The following ZNF677 variants were observed in gnomAD, a reference collection of about 807,000 sequenced individuals.
The protein encoded by ZNF677 is zinc finger protein 677.
ZNF677 carries 5 observed loss-of-function variants against 8.1 expected under a neutral mutation model. The ratio of observed to expected loss-of-function variants is 0.62; its 90% CI spans 0.32 to 1.29. The LOEUF (loss-of-function observed/expected upper bound fraction) is 1.29, where lower values mean the gene tolerates loss of function less well. Ranked by LOEUF, ZNF677 falls within the 50% of genes most tolerant of loss-of-function variation. ZNF677 has a pLI of 0.05. For missense variants in ZNF677, 685 were observed against 685.9 expected (o/e 1.00, Z 0.01); for synonymous variants, 221 against 225.6 (o/e 0.98, Z 0.18).
chr19:53,243,624 C>T (rs1471212133), intron 4 of ZNF677, 120 bp downstream of exon 4: 3 of 1,335,356 alleles, frequency 2.2e-6, no homozygotes, highest in African/African-American at 2.9e-5. Context: ...GAAGCCTTTC[C>T]ACTCTCAATC....
At chr19:53,253,244 C>T (rs1006421532) in intron 1 of ZNF677, 88 bp from the exon 2 acceptor site, 1 of 152,156 alleles carries the variant, frequency 6.6e-6, no homozygotes, top group Non-Finnish European at 1.5e-5. Flanking sequence ...GTTGTACCTG[C>T]TTAGCTCAAA....
intron 3 of ZNF677, among the ~76,000 whole-genome samples, chr19:53,245,872 C>T (rs540954474): frequency 1.3e-5 from 2 of 151,972 alleles, no homozygotes; most frequent in South Asian, 2.1e-4. Flanking sequence ...ATTAGCCAGA[C>T]GTGGTGGTGG....
At chr19:53,242,596 G>C in intron 4 of ZNF677, 1 of 394,732 alleles carries the variant, frequency 2.5e-6, no homozygotes, top group Non-Finnish European at 4.5e-6. Context: ...ATGGCCAAGG[G>C]GCTTGAACAA....
intron 4 of ZNF677, chr19:53,242,697 C>G (rs1439467828): frequency 3.1e-6 from 1 of 319,390 alleles, no homozygotes; most frequent in African/African-American, 2.1e-5. Flanking sequence ...AAAGTTCTTG[C>G]AGGTATAAGA....
chr19:53,249,046 TTC>T (rs1205041007), intron 3 of ZNF677: 4 of 152,334 alleles, frequency 2.6e-5, no homozygotes, highest in Admixed American at 1.3e-4. Flanking sequence ...TGATTCTGTA[TTC>T]TGTCACTCTA....
intron 3 of ZNF677, among the ~76,000 whole-genome samples, chr19:53,246,317 C>CTAAAAAAAAA (rs1599921763): frequency 1.5e-3 from 184 of 121,820 alleles, no homozygotes; most frequent in African/African-American, 2.9e-3. Context: ...GACTCCGTCC[C>CTAAAAAAAAA]AAAAAAAAAG....
At chr19:53,254,489 G>A (rs533665027) in intron 1 of ZNF677, 1 of 152,344 alleles carries the variant, frequency 6.6e-6, no homozygotes, top group Admixed American at 6.5e-5. Flanking sequence ...GAAGGGCGAA[G>A]GGTGTGTATC....
chr19:53,251,682 G>C, intron 2 of ZNF677, 77 bp from the exon 3 acceptor site: 1 of 1,013,294 alleles, frequency 9.9e-7, no homozygotes. Flanking sequence ...ACAGGAAGAG[G>C]CTTGATATAG....
chr19:53,251,595 GGTAA>G lies in ZNF677; in HGVS notation c.-49_-46del. On this transcript the variant is annotated 5_prime_UTR_variant, in exon 3 of 5. Transcript: ENST00000598513. The stretch of plus-strand genomic sequence containing the variant: ...CCTCTTCCTCTGAGTTTCTTTCTCA[GGTAA>G]GTCAGTCTGTATGTCAAAAATATGT... 1 of 1,612,576 alleles carries G rather than the reference GGTAA, an allele frequency of 6.2e-7. No individual in the cohort carries two copies. The highest frequency in any genetic ancestry group is 2.2e-5 in the East Asian group (1 of 44,786).
intron 4 of ZNF677, chr19:53,243,254 C>T (rs551101038): frequency 3.7e-4 from 59 of 161,560 alleles, no homozygotes; most frequent in African/African-American, 1.3e-3. Context: ...AAGATTTCAA[C>T]TTATAAAGAA....
Position 53,243,910 on chromosome 19 carries a change from C to T in ZNF677, c.16-13G>A. The T allele has an allele frequency of 6.4e-7, 1 of 1,565,864 alleles. No individual in the cohort carries two copies. The highest frequency in any genetic ancestry group is 1.2e-5 in the South Asian group (1 of 83,834). On this transcript the variant is annotated splice_polypyrimidine_tract_variant and intron_variant, in intron 3 of 4. Coordinates refer to ENST00000598513, the MANE Select transcript of ZNF677 (RefSeq NM_182609.4). ...ATGTAAACAGTCCCTGAAATAAAAA[C>T]ACACTTCACCAAGTGGACACAGGAA...
chr19:53,238,022 G>C lies in ZNF677; in HGVS notation c.705C>G (p.Asn235Lys). 2 of 1,613,728 alleles carry C rather than the reference G, an allele frequency of 1.2e-6. No homozygotes were observed. The highest frequency in any genetic ancestry group is 2.2e-5 in the East Asian group (1 of 44,868). ...SVSPLPPCVK[N>K]ICNKYRKILK... ...AAATCTTCCTATATTTATTACAAAT[G>C]TTTTTGACACAAGGAGGAAGTGGTG... Residue 235 changes from asparagine to lysine, a missense_variant, in exon 5 of 5, where the codon AAC becomes AAG. By Grantham distance (94) the Asn-to-Lys change is moderately conservative. Transcript: ENST00000598513.
chr19:53,253,457 G>A (rs1044984016), intron 1 of ZNF677, among the ~76,000 whole-genome samples: 4 of 151,832 alleles, frequency 2.6e-5, no homozygotes, highest in South Asian at 2.1e-4. Flanking sequence ...TTTGAGAGGC[G>A]GAGACAGATC....
intron 3 of ZNF677, among the ~76,000 whole-genome samples, chr19:53,246,573 TC>T (rs35281236): frequency 0.014 from 2,094 of 149,774 alleles, 60 homozygotes; most frequent in African/African-American, 0.049. Flanking sequence ...AAGAAGGAAA[TC>T]CTATTTGCTA....
chr19:53,250,249 C>T (rs1187675665), intron 3 of ZNF677, among the ~76,000 whole-genome samples: 1 of 152,106 alleles, frequency 6.6e-6, no homozygotes, highest in Non-Finnish European at 1.5e-5. Context: ...ACTTACACAC[C>T]ATTGGTGGAA....
Position 53,251,557 on chromosome 19 carries a change from CTCT to C in ZNF677, c.-10_-8del, listed in dbSNP as rs1352730441. 2 of 1,613,806 alleles carry C rather than the reference CTCT, an allele frequency of 1.2e-6. No homozygotes were observed. The highest frequency in any genetic ancestry group is 1.3e-5 in the African/African-American group (1 of 75,028). ...TTACCTGAGAAAGAGCCATTCCCTC[CTCT>C]TCTTTCTTTCCTCTTCCTCTGAGTT... On this transcript the variant is annotated 5_prime_UTR_variant, in exon 3 of 5. Transcript: ENST00000598513.
chr19:53,247,005 A>G (rs2091154788), intron 3 of ZNF677, among the ~76,000 whole-genome samples: 1 of 152,216 alleles, frequency 6.6e-6, no homozygotes, highest in African/African-American at 2.4e-5. Flanking sequence ...TATACATTAC[A>G]TATGTATAGG....
rs746343384 is a variant in ZNF677 at position 53,236,933 on chromosome 19, C to T, written c.*39G>A. 9 of 1,508,324 alleles carry T rather than the reference C, an allele frequency of 6.0e-6. No homozygotes were observed. The highest frequency in any genetic ancestry group is 1.4e-5 in the South Asian group (1 of 70,604). The allele number at this position is 1,508,324 out of a possible 1,614,324, so 93.4% of individuals were successfully genotyped here. A position where few individuals can be genotyped will look rare whatever the true frequency, so the allele number is the denominator to read the frequency against. The stretch of plus-strand genomic sequence containing the variant: ...ATAGCTAAAGGCTTTACCACATTTT[C>T]GTTTTATATGGTTTCTTTTCACAAT... On this transcript the variant is annotated 3_prime_UTR_variant, in exon 5 of 5. Transcript: ENST00000598513.
chr19:53,253,485 C>G (rs2091266488), intron 1 of ZNF677, among the ~76,000 whole-genome samples: 1 of 152,152 alleles, frequency 6.6e-6, no homozygotes, highest in Non-Finnish European at 1.5e-5. Flanking sequence ...GTCAGGAGTT[C>G]GAGACCAGCC....
Sources: gnomAD v4.1 joint callset for allele counts (sites outside exome capture counted in the v4.1 genomes callset) on GRCh38, gnomAD v4.1.1 for gene constraint, MANE v1.5 for transcripts, NCBI Gene and HGNC (gene_info 2026-07-23, HGNC 2026-07-21) for gene names.